PDE4D: variants seen among roughly 807,000 people sequenced by gnomAD.
PDE4D encodes the protein phosphodiesterase 4D, also known as 3',5'-cyclic-AMP phosphodiesterase 4D.
PDE4D carries 24 observed loss-of-function variants against 87.4 expected under a neutral mutation model. The observed-to-expected ratio is 0.27, with a 90% CI of 0.20 to 0.39. The LOEUF (loss-of-function observed/expected upper bound fraction) is 0.39, where lower values mean the gene tolerates loss of function less well. Among genes scored for constraint, PDE4D ranks in the 10% least tolerant of loss-of-function variants. PDE4D has a pLI of 1.00. For synonymous variants in PDE4D, 384 were observed against 383.2 expected (o/e 1.00, Z -0.02); for missense variants, 714 against 1,041.0 (o/e 0.69, Z 4.32).
At chr5:59,988,480 G>C in intron 3 of PDE4D, 2 of 1,543,048 alleles carry the variant, frequency 1.3e-6, no homozygotes, top group Non-Finnish European at 1.8e-6. Context: ...ACATCTGAGG[G>C]CACTCACCCA....
chr5:60,066,255 A>G (rs572105300), intron 2 of PDE4D, among the ~76,000 whole-genome samples: 18 of 152,078 alleles, frequency 1.2e-4, no homozygotes, highest in African/African-American at 3.4e-4. Context: ...GTCTGTTCAT[A>G]TCCTTCGCCC....
intron 2 of PDE4D, among the ~76,000 whole-genome samples, chr5:59,203,061 T>C (rs1433803340): frequency 6.6e-6 from 1 of 152,140 alleles, no homozygotes; most frequent in Non-Finnish European, 1.5e-5. Flanking sequence ...CTCAAAACAA[T>C]GGCCTGACAC....
At position 59,985,239 on chromosome 5, in the gene PDE4D, C is replaced by T. The variant is rs191772503; in HGVS notation, c.272+3249G>A. 4.6e-5 allele frequency among the ~76,000 whole-genome samples: 7 copies of T among 150,696 alleles called. No individual in the cohort carries two copies. In the East Asian group the frequency reaches 9.8e-4, roughly 21 times the overall value. ...CTGCAACCTCTGCCTCCCGGGTTCA[C>T]GCCATCCTCTTGCCTCAGCCTCCTG... is the stretch of plus-strand genomic sequence containing the variant. On this transcript the variant is annotated intron_variant, in intron 3 of 16. Coordinates refer to the PDE4D transcript ENST00000502484.
At chr5:59,458,031 C>T (rs1800193230) in intron 1 of PDE4D, among the ~76,000 whole-genome samples, 3 of 152,178 alleles carry the variant, frequency 2.0e-5, no homozygotes, top group African/African-American at 7.2e-5. Flanking sequence ...ATTCTTGTTA[C>T]TGGACCATAT....
chr5:59,632,017 G>A (rs1831641088), intron 1 of PDE4D, among the ~76,000 whole-genome samples: 1 of 152,216 alleles, frequency 6.6e-6, no homozygotes, highest in African/African-American at 2.4e-5. Context: ...TGCCAGTATA[G>A]CAGCCTGAAG....
chr5:59,561,717 G>A (rs948977443), intron 1 of PDE4D, among the ~76,000 whole-genome samples: 3 of 151,756 alleles, frequency 2.0e-5, no homozygotes, highest in Non-Finnish European at 2.9e-5. Context: ...ATCACCTGTG[G>A]TCAGGAGTTT....
chr5:59,963,646 C>T (rs971427346), intron 3 of PDE4D, among the ~76,000 whole-genome samples: 1 of 152,136 alleles, frequency 6.6e-6, no homozygotes, highest in Admixed American at 6.6e-5. Context: ...TAAAATTTTC[C>T]TATTTAGCTT....
chr5:59,139,307 A>G (rs553286548), intron 5 of PDE4D, among the ~76,000 whole-genome samples: 8 of 152,358 alleles, frequency 5.3e-5, no homozygotes, highest in African/African-American at 1.7e-4. Context: ...TCCATTATGC[A>G]GATGAGGAAA....
chr5:60,097,585 T>C (rs1775805733), intron 2 of PDE4D, among the ~76,000 whole-genome samples: 2 of 152,048 alleles, frequency 1.3e-5, no homozygotes, highest in Admixed American at 6.6e-5. Context: ...GTATCTGAGG[T>C]GACATAGTAA....
intron 1 of PDE4D, among the ~76,000 whole-genome samples, chr5:59,700,397 C>G (rs527512937): frequency 1.3e-5 from 2 of 152,074 alleles, no homozygotes; most frequent in Non-Finnish European, 2.9e-5. Flanking sequence ...CGACATAGGC[C>G]TTTTATTACA....
intron 1 of PDE4D, among the ~76,000 whole-genome samples, chr5:59,296,537 A>T (rs1769135620): frequency 6.6e-6 from 1 of 152,198 alleles, no homozygotes; most frequent in African/African-American, 2.4e-5. Flanking sequence ...ACATTTATTC[A>T]ATACCTACTG....
At position 59,243,121 on chromosome 5, in the gene PDE4D, C is replaced by T. The variant is rs144037009; in HGVS notation, c.456-27153G>A. 2.6e-3 allele frequency among the ~76,000 whole-genome samples: 400 copies of T among 152,158 alleles called. 3 individuals are homozygous for T. The highest frequency in any genetic ancestry group is 9.0e-3 in the African/African-American group (373 of 41,530). On this transcript the variant is annotated intron_variant, in intron 1 of 14. Transcript: ENST00000340635. Reference sequence around the variant, plus strand: ...GAACCAGATTGAGTAAAATGATTCTCGTTTTTACTATAGAGTCGTATAAGA... The same window carrying T: ...GAACCAGATTGAGTAAAATGATTCTTGTTTTTACTATAGAGTCGTATAAGA...
chr5:60,197,066 T>C (rs868017290), intron 1 of PDE4D, among the ~76,000 whole-genome samples: 1,097 of 107,948 alleles, frequency 0.01, 11 homozygotes, highest in African/African-American at 0.031. Context: ...GATAGATAGA[T>C]AGATAGACAG....
chr5:59,760,965 T>C (rs1010217441), intron 1 of PDE4D, among the ~76,000 whole-genome samples: 1 of 152,162 alleles, frequency 6.6e-6, no homozygotes, highest in Admixed American at 6.5e-5. Flanking sequence ...GAGTTGTGCA[T>C]TGCTTATTCT....
chr5:60,322,903 C>A (rs1417814953), intron 1 of PDE4D, among the ~76,000 whole-genome samples: 2 of 152,212 alleles, frequency 1.3e-5, no homozygotes, highest in Non-Finnish European at 1.5e-5. Flanking sequence ...GTCAATAACT[C>A]CAAAGAACTG....
intron 1 of PDE4D, among the ~76,000 whole-genome samples, chr5:60,469,702 C>G (rs1383325559): frequency 6.6e-6 from 1 of 152,100 alleles, no homozygotes; most frequent in East Asian, 1.9e-4. Context: ...GATATGTGAT[C>G]AGTGATCTCA....
At chr5:59,420,468 T>A (rs760012489) in intron 1 of PDE4D, among the ~76,000 whole-genome samples, 1 of 152,148 alleles carries the variant, frequency 6.6e-6, no homozygotes, top group Non-Finnish European at 1.5e-5. Flanking sequence ...ACTCATCATA[T>A]GGGATTCCCA....
intron 5 of PDE4D, among the ~76,000 whole-genome samples, chr5:59,123,735 G>A (rs186363902): frequency 3.6e-4 from 55 of 152,218 alleles, no homozygotes; most frequent in African/African-American, 1.1e-3. Context: ...AAAACTTCTG[G>A]GCTTGCATGT....
At chr5:59,329,008 C>T (rs969175561) in intron 1 of PDE4D, among the ~76,000 whole-genome samples, 1 of 152,182 alleles carries the variant, frequency 6.6e-6, no homozygotes, top group Admixed American at 6.5e-5. Flanking sequence ...CTTTCACACA[C>T]AGCTGTTGGT....
Sources: allele counts gnomAD v4.1 joint callset (sites outside exome capture counted in the v4.1 genomes callset), GRCh38; gene constraint gnomAD v4.1.1; transcripts MANE v1.5; gene names NCBI Gene and HGNC (gene_info 2026-07-23, HGNC 2026-07-21).